The following ASTN2 variants were observed in gnomAD, a reference collection of about 807,000 sequenced individuals.
The protein encoded by ASTN2 is astrotactin-2.
ASTN2 carries 54 observed loss-of-function variants against 139.8 expected under a neutral mutation model. The observed-to-expected ratio is 0.39, with a 90% CI of 0.31 to 0.48. The LOEUF is 0.48. ASTN2 is among the 20% of genes least tolerant of loss of function. The probability of loss-of-function intolerance (pLI) is 0.95; values close to 1 mark genes in which losing one functional copy is unlikely to be tolerated. For synonymous variants in ASTN2, 756 were observed against 719.5 expected (o/e 1.05, Z -0.81); for missense variants, 1,565 against 1,725.1 (o/e 0.91, Z 1.64).
intron 5 of ASTN2, among the ~76,000 whole-genome samples, chr9:117,047,189 A>G (rs1023809656): frequency 6.6e-6 from 1 of 152,212 alleles, no homozygotes; most frequent in African/African-American, 2.4e-5. Flanking sequence ...AGGCAGAAAG[A>G]AAGAATATTT....
At chr9:116,683,856 A>T (rs1320311666) in intron 16 of ASTN2, among the ~76,000 whole-genome samples, 2 of 152,218 alleles carry the variant, frequency 1.3e-5, no homozygotes, top group Non-Finnish European at 2.9e-5. Context: ...AACAGGACAC[A>T]ACTGGAGAAA....
At chr9:116,829,519 C>T (rs1340355100) in intron 11 of ASTN2, among the ~76,000 whole-genome samples, 1 of 152,026 alleles carries the variant, frequency 6.6e-6, no homozygotes, top group African/African-American at 2.4e-5. Flanking sequence ...AGAGGCTGTA[C>T]AGGAGGCATG....
chr9:117,223,066 C>T (rs1018653245), intron 2 of ASTN2, among the ~76,000 whole-genome samples: 4 of 152,186 alleles, frequency 2.6e-5, no homozygotes, highest in African/African-American at 9.6e-5. Flanking sequence ...GCATAAGGAT[C>T]TAAAGACTTT....
intron 3 of ASTN2, among the ~76,000 whole-genome samples, chr9:117,156,349 T>A (rs1460657740): frequency 6.6e-6 from 1 of 152,040 alleles, no homozygotes; most frequent in Non-Finnish European, 1.5e-5. Flanking sequence ...GGAAAACTGA[T>A]CCTGAGAGAG....
intron 16 of ASTN2, among the ~76,000 whole-genome samples, chr9:116,723,293 G>A (rs1222349785): frequency 1.3e-5 from 2 of 152,122 alleles, no homozygotes; most frequent in Non-Finnish European, 2.9e-5. Context: ...CTATGTACCA[G>A]ACATTTTACC....
intron 2 of ASTN2, among the ~76,000 whole-genome samples, chr9:117,258,233 G>A (rs1239989143): frequency 1.3e-5 from 2 of 152,122 alleles, no homozygotes; most frequent in Non-Finnish European, 2.9e-5. Context: ...ATAATGATGG[G>A]TCACCGGGAG....
chr9:117,051,716 G>A (rs895202986), intron 5 of ASTN2, among the ~76,000 whole-genome samples: 3 of 152,060 alleles, frequency 2.0e-5, no homozygotes, highest in African/African-American at 4.8e-5. Context: ...CAGGAAAAAC[G>A]GAGCTGGAAG....
chr9:116,722,490 A>T (rs1299757374), intron 16 of ASTN2, among the ~76,000 whole-genome samples: 2 of 152,228 alleles, frequency 1.3e-5, no homozygotes, highest in Non-Finnish European at 2.9e-5. Context: ...CATCATTATG[A>T]AACCTGGGAA....
At chr9:116,804,841 C>CGT (rs1180677174) in intron 13 of ASTN2, among the ~76,000 whole-genome samples, 108 of 147,982 alleles carry the variant, frequency 7.3e-4, no homozygotes, top group Non-Finnish European at 7.5e-4. Flanking sequence ...TGTGTGTGTA[C>CGT]GTGTGTGTGT....
chr9:117,263,193 T>TC (rs1833865297), intron 2 of ASTN2, among the ~76,000 whole-genome samples: 2 of 152,192 alleles, frequency 1.3e-5, no homozygotes, highest in Non-Finnish European at 1.5e-5. Context: ...CTCCTTTTTT[T>TC]CTCTCTTTTT....
chr9:116,905,326 A>G (rs930464152), intron 10 of ASTN2, among the ~76,000 whole-genome samples: 22 of 152,168 alleles, frequency 1.4e-4, no homozygotes, highest in Non-Finnish European at 4.4e-5. Context: ...AACACTTAGC[A>G]CTTTACCAAG....
In ASTN2 at chr9:117,244,738, G is replaced by A. The variant is rs141462771; in HGVS notation, c.631-29996C>T. 8.2e-3 allele frequency among the ~76,000 whole-genome samples: 1,194 copies of A among 145,980 alleles called. 19 individuals carry two copies. Among genetic ancestry groups the A allele is most frequent in the African/African-American group, 0.03 (1,158 of 38,986 alleles). Reference sequence around the variant, plus strand: ...AGAAAGGGAGGGAAGGAGGGAGTGAGGGAGGGAAGGAGGGAGGGAGGGAGA... The same window carrying A: ...AGAAAGGGAGGGAAGGAGGGAGTGAAGGAGGGAAGGAGGGAGGGAGGGAGA... On this transcript the variant is annotated intron_variant, in intron 2 of 22. Transcript: ENST00000313400.
chr9:116,503,823 C>T (rs532999972), intron 19 of ASTN2, among the ~76,000 whole-genome samples: 21 of 152,174 alleles, frequency 1.4e-4, no homozygotes, highest in Non-Finnish European at 2.8e-4. Flanking sequence ...TTAATCCTCA[C>T]GATAATCCTG....
At chr9:116,624,446 A>G (rs1417564758) in intron 17 of ASTN2, among the ~76,000 whole-genome samples, 1 of 152,214 alleles carries the variant, frequency 6.6e-6, no homozygotes, top group Non-Finnish European at 1.5e-5. Flanking sequence ...AAACAATTAC[A>G]ATTACTATAG....
intron 16 of ASTN2, among the ~76,000 whole-genome samples, chr9:116,705,355 T>G (rs938987098): frequency 8.5e-5 from 13 of 152,160 alleles, no homozygotes; most frequent in Admixed American, 6.5e-4. Flanking sequence ...ATGAAACTGG[T>G]AAGGGAAAGT....
intron 10 of ASTN2, among the ~76,000 whole-genome samples, chr9:116,930,228 A>G (rs1362010031): frequency 6.6e-6 from 1 of 152,184 alleles, no homozygotes; most frequent in Non-Finnish European, 1.5e-5. Context: ...GGTATTTTTA[A>G]TCATTGCTGA....
chr9:117,399,063 C>G (rs542660338), intron 1 of ASTN2, among the ~76,000 whole-genome samples: 1 of 152,112 alleles, frequency 6.6e-6, no homozygotes, highest in Non-Finnish European at 1.5e-5. Context: ...GGATTACAGG[C>G]GTGAGCCACC....
chr9:117,350,429 A>G (rs1480485665), intron 1 of ASTN2, among the ~76,000 whole-genome samples: 2 of 152,042 alleles, frequency 1.3e-5, no homozygotes, highest in Non-Finnish European at 2.9e-5. Flanking sequence ...GGGCACCTGT[A>G]ATCCCAGCTA....
At chr9:116,720,631 T>A (rs1352808620) in intron 16 of ASTN2, among the ~76,000 whole-genome samples, 3 of 150,978 alleles carry the variant, frequency 2.0e-5, no homozygotes, top group Middle Eastern at 3.4e-3. Context: ...TCCCTCTCTC[T>A]CACACACACA....
Sources: gnomAD v4.1 joint callset for allele counts (sites outside exome capture counted in the v4.1 genomes callset) on GRCh38, gnomAD v4.1.1 for gene constraint, MANE v1.5 for transcripts, NCBI Gene and HGNC (gene_info 2026-07-23, HGNC 2026-07-21) for gene names.